The following NEK3 variants were observed in gnomAD, a reference collection of about 807,000 sequenced individuals.
The protein encoded by NEK3 is serine/threonine-protein kinase Nek3.
NEK3 carries 54 observed loss-of-function variants against 66.0 expected under a neutral mutation model. That is an observed-to-expected ratio of 0.82 (90% CI 0.66 to 1.03). The LOEUF is 1.03. NEK3 is among the 50% of genes least tolerant of loss of function. The pLI is 0.00. For synonymous variants in NEK3, 200 were observed against 206.2 expected (o/e 0.97, Z 0.26); for missense variants, 593 against 603.0 (o/e 0.98, Z 0.17).
At chr13:52,146,344 T>C (rs148120158) in intron 8 of NEK3, among the ~76,000 whole-genome samples, 2,386 of 145,886 alleles carry the variant, frequency 0.016, 74 homozygotes, top group Admixed American at 0.086. Flanking sequence ...GGACAGATTG[T>C]GATAATGACA....
chr13:52,148,796 T>G (rs184905034), intron 7 of NEK3, among the ~76,000 whole-genome samples: 10 of 152,282 alleles, frequency 6.6e-5, no homozygotes, highest in South Asian at 4.2e-4. Flanking sequence ...TAGTTTCTAT[T>G]CCGACCACCC....
intron 8 of NEK3, among the ~76,000 whole-genome samples, chr13:52,145,873 A>G (rs1294737711): frequency 2.0e-5 from 3 of 152,238 alleles, no homozygotes; most frequent in Admixed American, 6.5e-5. Context: ...TGGTAGGTGC[A>G]GCAAATCACC....
chr13:52,152,996 A>G (rs1333711785), intron 4 of NEK3, among the ~76,000 whole-genome samples: 2 of 152,202 alleles, frequency 1.3e-5, no homozygotes, highest in Non-Finnish European at 2.9e-5. Context: ...GCTTATATAA[A>G]GAGAGTTCAC....
chr13:52,145,032 C>G, intron 8 of NEK3, 141 bp from the exon 9 acceptor site: 1 of 617,530 alleles, frequency 1.6e-6, no homozygotes, highest in Non-Finnish European at 2.8e-6. Flanking sequence ...CCTTAAGATA[C>G]CATTATATAA....
chr13:52,148,606 C>T (rs1956313633), intron 7 of NEK3, 137 bp from the exon 8 acceptor site: 1 of 675,392 alleles, frequency 1.5e-6, no homozygotes. Flanking sequence ...GGTCTAACAC[C>T]TAGATACTTC....
In NEK3 at chr13:52,156,140, C is replaced by G. The variant is rs1002068487; in HGVS notation, c.52G>C (p.Ala18Pro). ...RMIGEGSFGR[A>P]LLVQHESSNQ... is the part of the protein sequence containing the mutation. ...CTGCTTTCATGCTGAACCAAAAGAG[C>G]TCTGCCGAAGGAGCCCTCCCCAATC... Residue 18 changes from alanine to proline, a missense_variant, in exon 2 of 16, where the codon GCT (alanine) becomes CCT (proline). Transcript: ENST00000610828. 1 of 1,607,652 alleles carries G rather than the reference C, an allele frequency of 6.2e-7. No individual in the cohort carries two copies. The highest frequency in any genetic ancestry group is 8.5e-7 in the Non-Finnish European group (1 of 1,176,946).
At chr13:52,157,451 T>C (rs1956405022) in intron 1 of NEK3, 1 of 152,220 alleles carries the variant, frequency 6.6e-6, no homozygotes, top group African/African-American at 2.4e-5. Flanking sequence ...AACCAGATGG[T>C]TTCTTGGCAC....
In NEK3 at chr13:52,135,878, A is replaced by G; in HGVS notation, c.1175-15T>C. On this transcript the variant is annotated splice_polypyrimidine_tract_variant and intron_variant, in intron 13 of 15. Transcript: ENST00000610828. ...TACAGAACCACCTAGTTGCAAAAAG[A>G]CAAAAATTAGTGCTGAATAAAAAAA... 6.2e-7 allele frequency: 1 copy of G among 1,605,012 alleles called. No homozygotes were observed. The highest frequency in any genetic ancestry group is 8.5e-7 in the Non-Finnish European group (1 of 1,177,582).
intron 14 of NEK3, among the ~76,000 whole-genome samples, chr13:52,134,923 CT>C (rs1020096612): frequency 2.6e-5 from 4 of 151,886 alleles, no homozygotes; most frequent in East Asian, 3.9e-4. Context: ...GTGTTTTATT[CT>C]TTTTTTTATC....
intron 9 of NEK3, 140 bp from the exon 10 acceptor site, chr13:52,144,127 A>T: frequency 3.4e-6 from 2 of 583,038 alleles, no homozygotes. Flanking sequence ...TAAAAAGTAC[A>T]TACAGGCCGG....
At chr13:52,147,561 G>C (rs9526840) in intron 8 of NEK3, among the ~76,000 whole-genome samples, 5,177 of 152,300 alleles carry the variant, frequency 0.034, 121 homozygotes, top group South Asian at 0.077. Flanking sequence ...GAAATACCTA[G>C]AATATGCAAA....
intron 1 of NEK3, chr13:52,156,677 G>C (rs2138216493): frequency 6.5e-6 from 1 of 152,812 alleles, no homozygotes; most frequent in African/African-American, 2.4e-5. Context: ...CCCTACTTTT[G>C]TCTAGTTACT....
intron 7 of NEK3, among the ~76,000 whole-genome samples, chr13:52,150,379 A>C (rs1956333253): frequency 6.6e-6 from 1 of 152,228 alleles, no homozygotes; most frequent in Admixed American, 6.5e-5. Context: ...ATTTATGAAG[A>C]GTTTAAGTAT....
At chr13:52,145,967 TTTTA>T (rs1956292782) in intron 8 of NEK3, among the ~76,000 whole-genome samples, 1 of 152,222 alleles carries the variant, frequency 6.6e-6, no homozygotes, top group African/African-American at 2.4e-5. Context: ...AAATAAGATA[TTTTA>T]TTAATTCATT....
rs1956292974 is a variant in NEK3, at chr13:52,145,995, G to C, written c.604-1104C>G. Reference sequence around the variant, plus strand: ...TATTAATTCATTGCTAGTTACGTTTGAAAATGTTTTCTGCTGATCTGCATA... The same window carrying C: ...TATTAATTCATTGCTAGTTACGTTTCAAAATGTTTTCTGCTGATCTGCATA... On this transcript the variant is annotated intron_variant, in intron 8 of 15. Transcript: ENST00000610828. 2.0e-5 allele frequency among the ~76,000 whole-genome samples: 3 copies of C among 152,136 alleles called. No individual in the cohort carries two copies. The South Asian group carries it at 6.2e-4, about 32-fold the overall frequency.
intron 8 of NEK3, among the ~76,000 whole-genome samples, chr13:52,145,760 T>C (rs1956290741): frequency 6.6e-6 from 1 of 152,300 alleles, no homozygotes; most frequent in South Asian, 2.1e-4. Flanking sequence ...GTATAATAAA[T>C]ATATCAGAAC....
At chr13:52,148,558 A>G (rs1956313401) in intron 7 of NEK3, 89 bp from the exon 8 acceptor site, 2 of 1,092,564 alleles carry the variant, frequency 1.8e-6, no homozygotes, top group Non-Finnish European at 2.8e-6. Context: ...AAGAATAGAT[A>G]TCACAAGTAA....
intron 9 of NEK3, 145 bp downstream of exon 9, chr13:52,144,546 A>G: frequency 1.5e-6 from 1 of 658,874 alleles, no homozygotes; most frequent in Non-Finnish European, 2.6e-6. Context: ...GAGGAAGGAA[A>G]CGAAGTTTTA....
Position 52,158,079 on chromosome 13 carries a change from G to T in NEK3, c.-58+1464C>A, listed in dbSNP as rs1956410043. On this transcript the variant is annotated intron_variant, in intron 1 of 15. Coordinates refer to ENST00000610828, the MANE Select transcript of NEK3 (RefSeq NM_002498.3). Reference sequence around the variant, plus strand: ...TTTAGTAGAGACGCGGTTTCTCCATGTTGGTCAGGCTGGGCTCGAACTCCC... The same window carrying T: ...TTTAGTAGAGACGCGGTTTCTCCATTTTGGTCAGGCTGGGCTCGAACTCCC... Among the ~76,000 whole-genome samples, 3 of 152,148 alleles carry T rather than the reference G, an allele frequency of 2.0e-5. No individual in the cohort carries two copies. The South Asian group carries it at 6.2e-4, about 32-fold the overall frequency.
Sources: gnomAD v4.1 joint callset for allele counts (sites outside exome capture counted in the v4.1 genomes callset) on GRCh38, gnomAD v4.1.1 for gene constraint, MANE v1.5 for transcripts, NCBI Gene and HGNC (gene_info 2026-07-23, HGNC 2026-07-21) for gene names.